Variants in NEDD4 observed in about 807,000 individuals in gnomAD.
NEDD4 encodes the protein E3 ubiquitin-protein ligase NEDD4.
Under a neutral mutation model 144.9 loss-of-function variants are expected in NEDD4, and 99 were observed. The ratio of observed to expected loss-of-function variants is 0.68; its 90% confidence interval spans 0.58 to 0.81. The LOEUF (loss-of-function observed/expected upper bound fraction) is 0.81, where lower values mean the gene tolerates loss of function less well. NEDD4 is among the 30% of genes least tolerant of loss of function. The pLI is 0.00. For synonymous variants in NEDD4, 318 were observed against 350.6 expected (o/e 0.91, Z 1.04); for missense variants, 985 against 1,065.9 (o/e 0.92, Z 1.06).
intron 12 of NEDD4, among the ~76,000 whole-genome samples, chr15:55,855,108 G>C (rs1319681259): frequency 6.6e-6 from 1 of 152,170 alleles, no homozygotes; most frequent in Non-Finnish European, 1.5e-5. Flanking sequence ...GTACTGACCA[G>C]AGCAATGATG....
chr15:55,875,981 CAA>C (rs2034979420), intron 5 of NEDD4, among the ~76,000 whole-genome samples: 1 of 152,032 alleles, frequency 6.6e-6, no homozygotes, highest in Non-Finnish European at 1.5e-5. Context: ...ACGCTGAAAA[CAA>C]AAGATAAACA....
At chr15:55,941,939 T>A (rs1270200819) in intron 4 of NEDD4, among the ~76,000 whole-genome samples, 1 of 152,190 alleles carries the variant, frequency 6.6e-6, no homozygotes, top group African/African-American at 2.4e-5. Context: ...ATGTGGTCTA[T>A]CTTGGTAAAT....
At chr15:55,973,576 A>G (rs748183523) in intron 1 of NEDD4, among the ~76,000 whole-genome samples, 2 of 152,116 alleles carry the variant, frequency 1.3e-5, no homozygotes, top group African/African-American at 4.8e-5. Context: ...TCTTAAAAGT[A>G]TCTTCTCTGA....
chr15:55,990,747 A>T (rs546208443), intron 1 of NEDD4, among the ~76,000 whole-genome samples: 9 of 152,158 alleles, frequency 5.9e-5, no homozygotes, highest in Non-Finnish European at 1.0e-4. Flanking sequence ...CATGGGAAGG[A>T]GGTGGGAAGT....
At chr15:55,857,391 C>T (rs1386013330) in intron 11 of NEDD4, among the ~76,000 whole-genome samples, 3 of 152,010 alleles carry the variant, frequency 2.0e-5, no homozygotes, top group Admixed American at 6.6e-5. Flanking sequence ...TATGGTGGTG[C>T]GATCTTGTCT....
chr15:55,989,698 T>C (rs1480483362), intron 1 of NEDD4, among the ~76,000 whole-genome samples: 1 of 152,178 alleles, frequency 6.6e-6, no homozygotes, highest in Non-Finnish European at 1.5e-5. Context: ...GCCTTTCTTA[T>C]AGGAAACAGA....
intron 5 of NEDD4, among the ~76,000 whole-genome samples, chr15:55,882,823 G>A (rs563115707): frequency 1.3e-5 from 2 of 152,284 alleles, no homozygotes; most frequent in African/African-American, 4.8e-5. Context: ...CTGGATACCA[G>A]CTCAGCCATA....
intron 1 of NEDD4, among the ~76,000 whole-genome samples, chr15:55,985,568 A>G (rs1294627712): frequency 6.6e-6 from 1 of 152,220 alleles, no homozygotes; most frequent in Non-Finnish European, 1.5e-5. Flanking sequence ...GAACAAATAT[A>G]TTAAGGATAA....
At chr15:55,916,799 G>C in intron 5 of NEDD4, 1 of 1,608,610 alleles carries the variant, frequency 6.2e-7, no homozygotes, top group East Asian at 2.2e-5. Flanking sequence ...TGCTTCTTCT[G>C]GCTGCAAAGT....
intron 2 of NEDD4, among the ~76,000 whole-genome samples, chr15:55,965,797 G>C (rs1400118199): frequency 6.6e-6 from 1 of 152,002 alleles, no homozygotes; most frequent in Non-Finnish European, 1.5e-5. Context: ...CGCCTCCTGG[G>C]TTCAAGCGAT....
chr15:55,920,859 A>G (rs2036555402), intron 5 of NEDD4, among the ~76,000 whole-genome samples: 1 of 149,130 alleles, frequency 6.7e-6, no homozygotes, highest in Non-Finnish European at 1.5e-5. Flanking sequence ...TTACCTGCTA[A>G]GACTAGCAAC....
intron 13 of NEDD4, 87 bp downstream of exon 13, chr15:55,852,337 T>C (rs1422845944): frequency 5.1e-6 from 7 of 1,381,674 alleles, no homozygotes; most frequent in Non-Finnish European, 6.8e-6. Context: ...AAGTATCCAG[T>C]GTATCCTACA....
chr15:55,882,213 T>C (rs2035218830), intron 5 of NEDD4, among the ~76,000 whole-genome samples: 1 of 152,130 alleles, frequency 6.6e-6, no homozygotes, highest in African/African-American at 2.4e-5. Flanking sequence ...GAACCAAAAA[T>C]CAGGTGAGCA....
Position 55,862,682 on chromosome 15 carries a change from G to A in NEDD4, c.674+231C>T, listed in dbSNP as rs577346105. Among the ~76,000 whole-genome samples, 97 of 152,012 alleles carry A rather than the reference G, an allele frequency of 6.4e-4. 1 individual carries two copies. Among genetic ancestry groups the A allele is most frequent in the South Asian group, 1.0e-3 (5 of 4,816 alleles). ...ATTAAAAACCTATTAAAATTAAGAC[G>A]CAATTAAAAGGGTAGTATCTAGAGT... On this transcript the variant is annotated intron_variant, in intron 9 of 28. Transcript: ENST00000435532.
intron 5 of NEDD4, chr15:55,915,583 G>C (rs1295920559): frequency 8.7e-6 from 14 of 1,613,844 alleles, no homozygotes; most frequent in East Asian, 4.5e-5. Context: ...GATGTCCTAT[G>C]CATGAGCTTA....
chr15:55,903,607 G>A (rs1423331791), intron 5 of NEDD4, among the ~76,000 whole-genome samples: 1 of 149,640 alleles, frequency 6.7e-6, no homozygotes, highest in Non-Finnish European at 1.5e-5. Flanking sequence ...GGTGGATCAC[G>A]AGGTCAGGAG....
At chr15:55,951,346 C>G (rs1214766579) in intron 4 of NEDD4, 30 bp downstream of exon 4, 6 of 833,722 alleles carry the variant, frequency 7.2e-6, no homozygotes, top group Non-Finnish European at 1.1e-5. Flanking sequence ...CTTACTTTTT[C>G]CACTTTAGTA....
chr15:55,991,774 C>T (rs539511578), intron 1 of NEDD4, among the ~76,000 whole-genome samples: 1 of 152,292 alleles, frequency 6.6e-6, no homozygotes, highest in South Asian at 2.1e-4. Context: ...GCCTTTGGCC[C>T]CAGTTCCTTA....
chr15:55,993,506 C>G lies in NEDD4; in HGVS notation c.45+5G>C. ...GCCCGCCCCGCAGCCCCGCGGTCCCCGCACCTCGTCCTCCAGGAGCCCGAA... is the reference window on the plus strand; with the variant it reads ...GCCCGCCCCGCAGCCCCGCGGTCCCGGCACCTCGTCCTCCAGGAGCCCGAA... On this transcript the variant is annotated splice_donor_5th_base_variant and intron_variant, in intron 1 of 28. Coordinates refer to ENST00000435532, the MANE Select transcript of NEDD4 (RefSeq NM_006154.4). 1.3e-6 allele frequency: 2 copies of G among 1,596,568 alleles called. No individual in the cohort carries two copies. Among genetic ancestry groups the G allele is most frequent in the South Asian group, 1.1e-5 (1 of 89,244 alleles).
Sources: gnomAD v4.1 joint callset for allele counts (sites outside exome capture counted in the v4.1 genomes callset) on GRCh38, gnomAD v4.1.1 for gene constraint, MANE v1.5 for transcripts, NCBI Gene and HGNC (gene_info 2026-07-23, HGNC 2026-07-21) for gene names.